The following PER2 variants were observed in gnomAD, a reference collection of about 807,000 sequenced individuals.
The protein encoded by PER2 is period circadian protein homolog 2.
Under a neutral mutation model 121.0 loss-of-function variants are expected in PER2, and 66 were observed. The observed-to-expected ratio is 0.55, with a 90% CI of 0.45 to 0.67. PER2 has a LOEUF of 0.67. Ranked by LOEUF, PER2 falls within the 30% of genes least tolerant of loss-of-function variation. PER2 has a pLI of 0.00. For synonymous variants in PER2, 684 were observed against 659.9 expected (o/e 1.04, Z -0.56); for missense variants, 1,521 against 1,635.0 (o/e 0.93, Z 1.20).
intron 3 of PER2, among the ~76,000 whole-genome samples, chr2:238,276,651 A>G (rs1330356143): frequency 1.3e-5 from 2 of 152,216 alleles, no homozygotes; most frequent in Non-Finnish European, 2.9e-5. Flanking sequence ...GATGTTAGAG[A>G]GACAGGACAG....
chr2:238,265,514 T>C lies in PER2; in HGVS notation c.1044A>G (p.Glu348=), dbSNP rs755747250. The C allele has an allele frequency of 3.1e-6, 5 of 1,605,132 alleles. No homozygotes were observed. The Admixed American group carries it at 8.3e-5, about 27-fold the overall frequency. ...GGGGGTGGGTCAAGACCACGTACCT[T>C]TCATCCACATCCTGGAACAAACAAT... is the stretch of plus-strand genomic sequence containing the variant. ...TPNCLFQDVD[E]RAVPLLGYLP... is the part of the protein sequence containing the mutation. The change falls in exon 9 of 23, where the codon GAA becomes GAG. Residue 348 remains glutamate, a splice_region_variant and synonymous_variant. Coordinates refer to ENST00000254657, the MANE Select transcript of PER2 (RefSeq NM_022817.3).
In PER2 at chr2:238,271,323, C is replaced by A. The variant is rs754725597; in HGVS notation, c.761G>T (p.Cys254Phe). ...CTCGATAACCTCACCTGCTCCACTG[C>A]ACATGCTCCACAAGGGAAGCTTGTA... ...SPYKLPLWSM[C>F]SGADSFTQEC... The change falls in exon 6 of 23, where the codon TGC (cysteine) becomes TTC (phenylalanine). Residue 254 changes from cysteine to phenylalanine, a missense_variant. Physicochemically the swap from Cys to Phe is radical, Grantham distance 205 (BLOSUM62 -2). Coordinates refer to ENST00000254657, the MANE Select transcript of PER2 (RefSeq NM_022817.3). 2 of 1,613,654 alleles carry A rather than the reference C, an allele frequency of 1.2e-6. No homozygotes were observed. The highest frequency in any genetic ancestry group is 1.7e-6 in the Non-Finnish European group (2 of 1,179,724).
rs1695443116 is a variant in PER2, at chr2:238,246,233, TA to T, written c.*141del. On this transcript the variant is annotated 3_prime_UTR_variant, in exon 23 of 23. Transcript: ENST00000254657. The stretch of plus-strand genomic sequence containing the variant: ...GTTTTAAGTCGCCCCTTCAGAAAAC[TA>T]TGTTGTTTTTTTTTCTAAAACAAAA... The T allele has an allele frequency of 3.6e-6, 2 of 555,704 alleles. No individual in the cohort carries two copies. Among genetic ancestry groups the T allele is most frequent in the South Asian group, 6.8e-5 (2 of 29,236 alleles). 34.4% of individuals were successfully genotyped at this position (555,704 alleles called of 1,614,324 possible). A position where few individuals can be genotyped will look rare whatever the true frequency, so the allele number is the denominator to read the frequency against.
intron 12 of PER2, chr2:238,261,417 C>T (rs780492206): frequency 2.4e-5 from 11 of 452,442 alleles, no homozygotes; most frequent in East Asian, 4.2e-5. Context: ...AATGAGCCCC[C>T]GCACCACTGA....
At chr2:238,279,482 T>A (rs893799525) in intron 1 of PER2, among the ~76,000 whole-genome samples, 5 of 152,158 alleles carry the variant, frequency 3.3e-5, no homozygotes, top group African/African-American at 1.2e-4. Flanking sequence ...ACCCCCACCC[T>A]ACACCCAGGC....
chr2:238,274,612 C>A (rs369485713), intron 4 of PER2, among the ~76,000 whole-genome samples: 27 of 152,352 alleles, frequency 1.8e-4, no homozygotes, highest in East Asian at 1.5e-3. Context: ...CACTGGAGAA[C>A]AGAGCAGCCC....
At chr2:238,289,958 G>A (rs1488125877), upstream of PER2, 1 of 152,272 alleles carries the variant, frequency 6.6e-6, no homozygotes, top group Non-Finnish European at 1.5e-5. Context: ...AGGCTCTCAT[G>A]GGGAAGGCGA....
intron 8 of PER2, among the ~76,000 whole-genome samples, chr2:238,266,808 C>G (rs1312161265): frequency 6.6e-6 from 1 of 152,104 alleles, no homozygotes; most frequent in Non-Finnish European, 1.5e-5. Flanking sequence ...GAGGCCGAGA[C>G]AGGTGGATTG....
At chr2:238,258,842 T>C in intron 14 of PER2, among the ~76,000 whole-genome samples, 198 bp from the exon 15 acceptor site, 1 of 151,106 alleles carries the variant, frequency 6.6e-6, no homozygotes, top group African/African-American at 2.4e-5. Context: ...CAGAGAGACC[T>C]GGGGGGGGAG....
chr2:238,271,843 C>T (rs1696298197), intron 5 of PER2, among the ~76,000 whole-genome samples: 1 of 152,168 alleles, frequency 6.6e-6, no homozygotes, highest in African/African-American at 2.4e-5. Flanking sequence ...TCCTCCCGGA[C>T]CAGAGACATA....
chr2:238,251,077 G>C (rs1695584489), intron 20 of PER2, among the ~76,000 whole-genome samples: 1 of 152,236 alleles, frequency 6.6e-6, no homozygotes, highest in South Asian at 2.1e-4. Context: ...TTCCCACAAG[G>C]GGAGGCAGCT....
intron 1 of PER2, among the ~76,000 whole-genome samples, chr2:238,283,794 G>T (rs1226630665): frequency 3.3e-5 from 5 of 152,170 alleles, no homozygotes; most frequent in Non-Finnish European, 4.4e-5. Context: ...GGTACCAAGG[G>T]CATTCTCTCA....
intron 8 of PER2, among the ~76,000 whole-genome samples, chr2:238,266,072 T>A (rs1000580533): frequency 1.3e-5 from 2 of 151,908 alleles, no homozygotes; most frequent in Non-Finnish European, 1.5e-5. Flanking sequence ...CCCAGCTAAT[T>A]TTTTGTATTT....
At chr2:238,267,977 GATGTT>G in intron 8 of PER2, 74 bp downstream of exon 8, 1 of 1,511,900 alleles carries the variant, frequency 6.6e-7, no homozygotes, top group African/African-American at 1.4e-5. Context: ...CCATCGTACA[GATGTT>G]ATGTGTGAAC....
At position 238,259,975 on chromosome 2, in the gene PER2, C is replaced by T. The variant is rs371428384; in HGVS notation, c.1621G>A (p.Val541Ile). The change falls in exon 14 of 23, where the codon GTT (valine) becomes ATT (isoleucine). Residue 541 changes from valine (V) to isoleucine (I), a missense_variant. Coordinates refer to ENST00000254657, the MANE Select transcript of PER2 (RefSeq NM_022817.3). The part of the protein sequence containing the change: ...HESGEQKKKS[V>I]TEMQTNPPAE... Reference sequence around the variant, plus strand: ...TGAATATTTTTTTTTTTACCTGTAACGGATTTTTTCTTTTGTTCTCCAGAT... The same window carrying T: ...TGAATATTTTTTTTTTTACCTGTAATGGATTTTTTCTTTTGTTCTCCAGAT... The T allele has an allele frequency of 2.1e-5, 29 of 1,403,832 alleles. No individual in the cohort carries two copies. Among genetic ancestry groups the T allele is most frequent in the South Asian group, 1.2e-4 (10 of 84,478 alleles). The allele number at this position is 1,403,832 out of a possible 1,614,324, so 87.0% of individuals were successfully genotyped here.
At chr2:238,248,927 T>C in intron 22 of PER2, 135 bp downstream of exon 22, 1 of 934,740 alleles carries the variant, frequency 1.1e-6, no homozygotes, top group Non-Finnish European at 1.7e-6. Context: ...AGTGCTGGGA[T>C]TACAGGCGTG....
At chr2:238,260,126 C>T in intron 13 of PER2, 73 bp from the exon 14 acceptor site, 2 of 703,668 alleles carry the variant, frequency 2.8e-6, no homozygotes, top group Non-Finnish European at 5.2e-6. Flanking sequence ...AAAGTGAGAA[C>T]AGAGGATGGC....
the PER2 span, among the ~76,000 whole-genome samples, chr2:238,297,424 G>A: frequency 3.9e-5 from 6 of 152,194 alleles, no homozygotes; most frequent in Non-Finnish European, 7.3e-5. Context: ...CAGGGCCTCT[G>A]AATCCTCTGA....
intron 1 of PER2, among the ~76,000 whole-genome samples, chr2:238,282,549 A>T (rs1234229542): frequency 6.6e-6 from 1 of 152,256 alleles, no homozygotes; most frequent in East Asian, 1.9e-4. Flanking sequence ...TGATGTGGGG[A>T]GAGTCTCAGA....
Sources: gnomAD v4.1 joint callset for allele counts (sites outside exome capture counted in the v4.1 genomes callset) on GRCh38, gnomAD v4.1.1 for gene constraint, MANE v1.5 for transcripts, NCBI Gene and HGNC (gene_info 2026-07-23, HGNC 2026-07-21) for gene names.